The following MIAT variants were observed in gnomAD, a reference collection of about 807,000 sequenced individuals.
The protein encoded by MIAT is myocardial infarction associated transcript.
intron 2 of MIAT, chr22:26,657,450 G>T: frequency 2.5e-6 from 1 of 398,674 alleles, no homozygotes; most frequent in Non-Finnish European, 4.4e-6. Flanking sequence ...CCCGCCAGCC[G>T]CTCCCGCATT....
exon 4 of MIAT, chr22:26,666,903 C>T (rs1422623056): frequency 2.5e-6 from 1 of 399,258 alleles, no homozygotes; most frequent in Admixed American, 4.4e-5. Context: ...GAGCTGGGAG[C>T]CTGGGCTGCC....
rs199615345 is a variant in MIAT at position 26,652,364 on chromosome 22, AT to A, written n.646+5063del. On this transcript the variant is annotated intron_variant and non_coding_transcript_variant, in intron 2 of 5. Coordinates refer to ENST00000643270, the Ensembl canonical transcript of MIAT. ...TCTCTCTTTATTTATTCATTCATTT[AT>A]TTTTTTTTTGAGACGGAGTCTCACT... Among the ~76,000 whole-genome samples the A allele has an allele frequency of 5.5e-5, 8 of 146,558 alleles. No homozygotes were observed. The East Asian group carries it at 8.1e-4, about 15-fold the overall frequency.
At chr22:26,646,511 G>C in exon 1 of MIAT, 1 of 399,082 alleles carries the variant, frequency 2.5e-6, no homozygotes, top group Non-Finnish European at 4.4e-6. Context: ...GGGAGCCTCA[G>C]AAGGTGTCGT....
At chr22:26,674,744 G>A in exon 5 of MIAT, 1 of 398,634 alleles carries the variant, frequency 2.5e-6, no homozygotes, top group Non-Finnish European at 4.4e-6. Flanking sequence ...CCATCCTCTA[G>A]TGGCTGCCTT....
chr22:26,654,398 G>A (rs1347294635), intron 2 of MIAT, among the ~76,000 whole-genome samples: 1 of 152,204 alleles, frequency 6.6e-6, no homozygotes, highest in African/African-American at 2.4e-5. Context: ...TAGACTGACA[G>A]TCAGGAGAAT....
chr22:26,675,777 G>A, exon 5 of MIAT: 1 of 398,684 alleles, frequency 2.5e-6, no homozygotes, highest in Non-Finnish European at 4.4e-6. Flanking sequence ...CATTTGTCAT[G>A]CATGGCTGCA....
chr22:26,659,060 A>T (rs1312189122), intron 2 of MIAT, among the ~76,000 whole-genome samples: 1 of 152,126 alleles, frequency 6.6e-6, no homozygotes, highest in Non-Finnish European at 1.5e-5. Context: ...TGCTTCCAGT[A>T]AGCAGATGTC....
chr22:26,673,585 A>C, downstream of MIAT: 2 of 398,776 alleles, frequency 5.0e-6, no homozygotes, highest in Non-Finnish European at 8.8e-6. Flanking sequence ...CAACAGGTCT[A>C]ACATTCCTCG....
chr22:26,646,454 G>A (rs1461672452), exon 1 of MIAT: 1 of 399,240 alleles, frequency 2.5e-6, no homozygotes, highest in Admixed American at 4.4e-5. Flanking sequence ...GGAACCACGA[G>A]AGGCAGGGAG....
chr22:26,675,525 T>G (rs1245754760), exon 5 of MIAT: 3 of 398,538 alleles, frequency 7.5e-6, no homozygotes, highest in Non-Finnish European at 8.8e-6. Flanking sequence ...CAGAACTTTT[T>G]GAAACTAGGA....
chr22:26,648,323 A>G (rs1290488622), intron 2 of MIAT, among the ~76,000 whole-genome samples: 2 of 152,214 alleles, frequency 1.3e-5, no homozygotes, highest in Non-Finnish European at 2.9e-5. Context: ...AAGGCCAGAC[A>G]AAGAAGCAGC....
At chr22:26,665,941 A>G (rs1930828768) in exon 4 of MIAT, 1 of 398,538 alleles carries the variant, frequency 2.5e-6, no homozygotes, top group African/African-American at 2.1e-5. Flanking sequence ...GGACTCCCTG[A>G]TGATGTGAAC....
intron 2 of MIAT, among the ~76,000 whole-genome samples, chr22:26,649,094 G>T (rs1930291378): frequency 1.3e-5 from 2 of 152,144 alleles, no homozygotes; most frequent in African/African-American, 4.8e-5. Context: ...GAGAGAGAGA[G>T]AGCATTTACT....
downstream of MIAT, chr22:26,672,801 T>C: frequency 2.5e-6 from 1 of 398,600 alleles, no homozygotes; most frequent in Non-Finnish European, 4.4e-6. Context: ...TTTCCTACGC[T>C]AAAAACCACT....
chr22:26,660,136 T>C (rs1163638985), intron 2 of MIAT, among the ~76,000 whole-genome samples: 2 of 151,458 alleles, frequency 1.3e-5, no homozygotes, highest in Non-Finnish European at 2.9e-5. Flanking sequence ...ACACCTGACC[T>C]GAAAACTTCA....
chr22:26,674,512 G>C (rs1457106876), downstream of MIAT: 2 of 398,710 alleles, frequency 5.0e-6, no homozygotes, highest in Non-Finnish European at 8.8e-6. Context: ...AGGTTGCTTG[G>C]GTCGTTGAAT....
At chr22:26,667,482 G>A (rs1201038863) in intron 5 of MIAT, among the ~76,000 whole-genome samples, 1 of 151,960 alleles carries the variant, frequency 6.6e-6, no homozygotes. Context: ...CTCCCAGTGG[G>A]AATGTTGTAA....
exon 4 of MIAT, chr22:26,666,721 A>G (rs1244693387): frequency 7.5e-6 from 3 of 398,450 alleles, no homozygotes; most frequent in Non-Finnish European, 8.8e-6. Context: ...AGAGAGGTGG[A>G]GGGTGGGGTG....
At chr22:26,661,602 C>T (rs1351962429) in intron 2 of MIAT, among the ~76,000 whole-genome samples, 1 of 152,028 alleles carries the variant, frequency 6.6e-6, no homozygotes, top group Non-Finnish European at 1.5e-5. Context: ...GAAACAGGCT[C>T]AGAGAGGTGA....
Sources: allele counts gnomAD v4.1 joint callset (sites outside exome capture counted in the v4.1 genomes callset), GRCh38; gene constraint gnomAD v4.1.1; transcripts MANE v1.5; gene names NCBI Gene and HGNC (gene_info 2026-07-23, HGNC 2026-07-21).